IQCK: variants seen among roughly 807,000 people sequenced by gnomAD.
IQCK encodes the protein IQ motif containing K.
A neutral mutation model predicts 28.1 loss-of-function variants in IQCK; 29 were observed. The ratio of observed to expected loss-of-function variants is 1.03; its 90% CI spans 0.77 to 1.41. The LOEUF (loss-of-function observed/expected upper bound fraction) is 1.41, where lower values mean the gene tolerates loss of function less well. Ranked by LOEUF, IQCK falls within the 40% of genes most tolerant of loss-of-function variation. IQCK has a pLI of 0.00. For missense variants in IQCK, 359 were observed against 314.7 expected, an observed-to-expected ratio of 1.14 and a Z score of -1.07; for synonymous variants, 113 against 115.1, an observed-to-expected ratio of 0.98 and a Z score of 0.12.
At chr16:19,742,887 G>A (rs1333469668) in intron 4 of IQCK, among the ~76,000 whole-genome samples, 1 of 152,196 alleles carries the variant, frequency 6.6e-6, no homozygotes, top group African/African-American at 2.4e-5. Flanking sequence ...AGATGGGGCT[G>A]GCCAGATGCA....
chr16:19,786,895 G>T (rs1034098158), intron 6 of IQCK, among the ~76,000 whole-genome samples: 4 of 81,104 alleles, frequency 4.9e-5, no homozygotes, highest in Admixed American at 4.3e-4. Flanking sequence ...GGGAAGGGAA[G>T]GGAAGAAAGG....
At chr16:19,813,276 G>C (rs2055931637) in intron 7 of IQCK, among the ~76,000 whole-genome samples, 1 of 152,172 alleles carries the variant, frequency 6.6e-6, no homozygotes, top group Middle Eastern at 3.2e-3. Context: ...TAGAATGAAT[G>C]GGGGAGAAGC....
At chr16:19,746,231 A>C (rs181770202) in intron 4 of IQCK, among the ~76,000 whole-genome samples, 1 of 150,170 alleles carries the variant, frequency 6.7e-6, no homozygotes, top group African/African-American at 2.4e-5. Context: ...CGTCGTAGAT[A>C]TATATATTTA....
intron 6 of IQCK, among the ~76,000 whole-genome samples, chr16:19,769,989 G>A (rs2151716873): frequency 6.6e-6 from 1 of 152,228 alleles, no homozygotes; most frequent in East Asian, 1.9e-4. Context: ...GAAACCAAGG[G>A]ACCCAGCGAG....
exon 4 of IQCK, chr16:19,735,436 G>A (rs1401496122): frequency 1.2e-6 from 2 of 1,612,260 alleles, no homozygotes; most frequent in East Asian, 2.2e-5. Context: ...AGCGAAGAAA[G>A]AAAAATGTTT....
At chr16:19,749,629 C>G (rs2054958703) in intron 4 of IQCK, among the ~76,000 whole-genome samples, 1 of 152,042 alleles carries the variant, frequency 6.6e-6, no homozygotes, top group African/African-American at 2.4e-5. Flanking sequence ...TGCTGGGCAC[C>G]ATGGTGTGCG....
At chr16:19,753,230 CA>C (rs2055010532) in intron 4 of IQCK, among the ~76,000 whole-genome samples, 1 of 147,764 alleles carries the variant, frequency 6.8e-6, no homozygotes, top group Non-Finnish European at 1.5e-5. Context: ...GGCAACATAG[CA>C]AAACCCCTAT....
At chr16:19,783,152 C>T (rs2055514126) in intron 6 of IQCK, among the ~76,000 whole-genome samples, 1 of 152,066 alleles carries the variant, frequency 6.6e-6, no homozygotes, top group Non-Finnish European at 1.5e-5. Context: ...GTGTCCGCCA[C>T]TACGCCCAGC....
At chr16:19,828,647 CG>C (rs1471982822), downstream of IQCK, among the ~76,000 whole-genome samples, 16 of 150,540 alleles carry the variant, frequency 1.1e-4, no homozygotes, top group East Asian at 3.1e-3. Flanking sequence ...GGGCCTGAGG[CG>C]GGTGGATCAC....
chr16:19,761,447 T>C, intron 4 of IQCK: 1 of 454,530 alleles, frequency 2.2e-6, no homozygotes, highest in Non-Finnish European at 4.4e-6. Context: ...GGAGGGTGGA[T>C]CTGGATGGGC....
chr16:19,828,921 T>C (rs1049471793), downstream of IQCK, among the ~76,000 whole-genome samples: 28 of 143,930 alleles, frequency 1.9e-4, 1 homozygote, highest in South Asian at 4.2e-3. Flanking sequence ...TATTTTTATA[T>C]ATATAATTAA....
At chr16:19,774,344 A>G (rs1347001966) in intron 6 of IQCK, among the ~76,000 whole-genome samples, 2 of 150,506 alleles carry the variant, frequency 1.3e-5, no homozygotes, top group African/African-American at 5.0e-5. Context: ...CATTATTGGT[A>G]CATATACCAA....
At chr16:19,758,827 C>A (rs975926483) in intron 4 of IQCK, among the ~76,000 whole-genome samples, 1 of 151,986 alleles carries the variant, frequency 6.6e-6, no homozygotes, top group Non-Finnish European at 1.5e-5. Context: ...TCAGGCACCA[C>A]GATATTTTAT....
intron 4 of IQCK, among the ~76,000 whole-genome samples, chr16:19,757,560 A>G (rs1317722872): frequency 6.6e-6 from 1 of 152,172 alleles, no homozygotes; most frequent in Non-Finnish European, 1.5e-5. Context: ...CTACGCCTGT[A>G]ATCCTAGCTA....
chr16:19,756,210 A>G (rs2151703023), intron 4 of IQCK, among the ~76,000 whole-genome samples: 1 of 152,208 alleles, frequency 6.6e-6, no homozygotes, highest in East Asian at 1.9e-4. Flanking sequence ...AGTTCACCAT[A>G]TTCTTTTGAT....
intron 6 of IQCK, among the ~76,000 whole-genome samples, chr16:19,764,915 G>A (rs548386782): frequency 7.3e-6 from 1 of 136,660 alleles, no homozygotes; most frequent in African/African-American, 2.7e-5. Flanking sequence ...TGGCCGGGAT[G>A]GTCTCGATCT....
intron 7 of IQCK, among the ~76,000 whole-genome samples, chr16:19,813,516 T>C (rs1318408143): frequency 6.6e-6 from 1 of 152,242 alleles, no homozygotes; most frequent in Admixed American, 6.5e-5. Flanking sequence ...GTGTAATGTC[T>C]TCTAATCCAG....
chr16:19,847,044 C>T (rs1253475517), intron 9 of IQCK, among the ~76,000 whole-genome samples: 1 of 152,060 alleles, frequency 6.6e-6, no homozygotes, highest in Non-Finnish European at 1.5e-5. Context: ...AACTCTGTGA[C>T]CTTGGGCACG....
At chr16:19,734,493 G>A (rs1030752239) in intron 3 of IQCK, among the ~76,000 whole-genome samples, 9 of 149,794 alleles carry the variant, frequency 6.0e-5, no homozygotes, top group African/African-American at 2.2e-4. Context: ...TCCAGGCATG[G>A]TGGTGCACAC....
Sources: allele counts gnomAD v4.1 joint callset (sites outside exome capture counted in the v4.1 genomes callset), GRCh38; gene constraint gnomAD v4.1.1; transcripts MANE v1.5; gene names NCBI Gene and HGNC (gene_info 2026-07-23, HGNC 2026-07-21).